SPECC1L: variants seen among roughly 807,000 people sequenced by gnomAD.
The protein encoded by SPECC1L is sperm antigen with calponin homology and coiled-coil domains 1 like.
Under a neutral mutation model 116.8 loss-of-function variants are expected in SPECC1L, and 40 were observed. The ratio of observed to expected loss-of-function variants is 0.34; its 90% CI spans 0.27 to 0.45. The LOEUF is 0.45. Ranked by LOEUF, SPECC1L falls within the 20% of genes least tolerant of loss-of-function variation. The pLI is 1.00. For synonymous variants in SPECC1L, 504 were observed against 500.6 expected (o/e 1.01, Z -0.09); for missense variants, 1,110 against 1,373.6 (o/e 0.81, Z 3.03).
intron 10 of SPECC1L, 31 bp downstream of exon 10, chr22:24,338,508 G>C: frequency 6.2e-7 from 1 of 1,602,194 alleles, no homozygotes; most frequent in South Asian, 1.1e-5. Context: ...GAGGCTCTTA[G>C]AGCCTCAGAA....
chr22:24,410,848 C>A (rs576127998), intron 14 of SPECC1L, among the ~76,000 whole-genome samples: 4 of 152,294 alleles, frequency 2.6e-5, no homozygotes, highest in African/African-American at 9.6e-5. Context: ...CATGCTTCAA[C>A]AACCAATGGA....
intron 2 of SPECC1L, among the ~76,000 whole-genome samples, chr22:24,299,373 A>G (rs2049330016): frequency 6.6e-6 from 1 of 152,070 alleles, no homozygotes; most frequent in Non-Finnish European, 1.5e-5. Context: ...GAAGGTCAAG[A>G]CTGCAGTGAG....
chr22:24,298,434 T>G (rs1470982325), intron 2 of SPECC1L, among the ~76,000 whole-genome samples: 1 of 152,158 alleles, frequency 6.6e-6, no homozygotes, highest in African/African-American at 2.4e-5. Context: ...CCCCCTCGGA[T>G]AAAGGGGAAG....
chr22:24,329,172 A>G (rs1470221628), intron 7 of SPECC1L, among the ~76,000 whole-genome samples: 2 of 152,152 alleles, frequency 1.3e-5, no homozygotes, highest in South Asian at 2.1e-4. Flanking sequence ...AAAATTTGCA[A>G]CTCTTGGAGT....
intron 3 of SPECC1L, among the ~76,000 whole-genome samples, chr22:24,304,697 G>A (rs1403667917): frequency 6.6e-6 from 1 of 152,158 alleles, no homozygotes. Context: ...TTACAGACAT[G>A]AATTAATAAG....
intron 14 of SPECC1L, among the ~76,000 whole-genome samples, chr22:24,375,533 G>T (rs1038351342): frequency 2.0e-5 from 3 of 152,136 alleles, no homozygotes; most frequent in Non-Finnish European, 4.4e-5. Flanking sequence ...TTAGAATAAA[G>T]GGGAAAAAAC....
chr22:24,342,809 G>A (rs1158897915), intron 10 of SPECC1L, among the ~76,000 whole-genome samples: 2 of 152,096 alleles, frequency 1.3e-5, no homozygotes, highest in African/African-American at 2.4e-5. Flanking sequence ...CTTGTGGGAT[G>A]AAATTAAGTG....
At chr22:24,299,112 A>G (rs2049324284) in intron 2 of SPECC1L, among the ~76,000 whole-genome samples, 2 of 152,158 alleles carry the variant, frequency 1.3e-5, no homozygotes, top group Non-Finnish European at 1.5e-5. Flanking sequence ...TTTTAGTCCT[A>G]ATATAGTCCT....
intron 11 of SPECC1L, among the ~76,000 whole-genome samples, chr22:24,350,139 C>T (rs1389637054): frequency 6.6e-6 from 1 of 152,118 alleles, no homozygotes; most frequent in Non-Finnish European, 1.5e-5. Flanking sequence ...AACCCTCTGC[C>T]TGGAACACTG....
intron 14 of SPECC1L, among the ~76,000 whole-genome samples, chr22:24,409,893 A>G (rs1441497385): frequency 6.6e-6 from 1 of 152,164 alleles, no homozygotes. Flanking sequence ...TGGACGTGGT[A>G]GCACGTACCA....
intron 10 of SPECC1L, among the ~76,000 whole-genome samples, chr22:24,345,048 A>G (rs1381523091): frequency 6.6e-6 from 1 of 152,182 alleles, no homozygotes; most frequent in Non-Finnish European, 1.5e-5. Flanking sequence ...TGGAAATGCA[A>G]GATCCCTGAA....
At chr22:24,405,525 A>G (rs1444322435) in intron 14 of SPECC1L, among the ~76,000 whole-genome samples, 1 of 152,010 alleles carries the variant, frequency 6.6e-6, no homozygotes, top group Non-Finnish European at 1.5e-5. Flanking sequence ...TCTCCTCTAC[A>G]GTAAGCAAAC....
Position 24,376,018 on chromosome 22 carries a change from A to G in SPECC1L, c.3087+6698A>G, listed in dbSNP as rs142137373. On this transcript the variant is annotated intron_variant, in intron 14 of 16. Coordinates refer to ENST00000314328, the MANE Select transcript of SPECC1L (RefSeq NM_015330.6). ...AGTTTTAACATTATACTTAATGGTGAAGACTGAAAGCTTTCCCCTTAAGAT... is the reference window on the plus strand; with the variant it reads ...AGTTTTAACATTATACTTAATGGTGGAGACTGAAAGCTTTCCCCTTAAGAT... Among the ~76,000 whole-genome samples, 617 of 152,310 alleles carry G rather than the reference A, an allele frequency of 4.1e-3. 7 individuals are homozygous for G. The highest frequency in any genetic ancestry group is 0.014 in the African/African-American group (576 of 41,568).
chr22:24,409,898 G>T (rs974571480), intron 14 of SPECC1L, among the ~76,000 whole-genome samples: 1 of 152,152 alleles, frequency 6.6e-6, no homozygotes, highest in Non-Finnish European at 1.5e-5. Context: ...GTGGTAGCAC[G>T]TACCAGCCTG....
intron 12 of SPECC1L, among the ~76,000 whole-genome samples, chr22:24,364,805 A>G (rs1264132048): frequency 1.3e-5 from 2 of 152,274 alleles, no homozygotes; most frequent in East Asian, 3.9e-4. Context: ...TGTTGGGCAG[A>G]GCTGAGTAGT....
chr22:24,278,221 C>T (rs1349431568), intron 2 of SPECC1L, among the ~76,000 whole-genome samples: 13 of 152,014 alleles, frequency 8.6e-5, no homozygotes, highest in East Asian at 1.9e-4. Flanking sequence ...ATTAGCTGGG[C>T]GTTGTGGCAC....
intron 14 of SPECC1L, among the ~76,000 whole-genome samples, chr22:24,389,762 T>C (rs768670296): frequency 1.2e-4 from 19 of 152,090 alleles, no homozygotes; most frequent in Admixed American, 2.0e-4. Context: ...TTTGTAATAA[T>C]AGAAATAGGA....
intron 9 of SPECC1L, among the ~76,000 whole-genome samples, chr22:24,334,926 T>A (rs2041021651): frequency 6.6e-6 from 1 of 152,176 alleles, no homozygotes; most frequent in African/African-American, 2.4e-5. Context: ...GTCATGTCTA[T>A]CCAGATGCCT....
At chr22:24,411,202 AAAAAAAC>A (rs1036310402) in intron 14 of SPECC1L, among the ~76,000 whole-genome samples, 2 of 135,328 alleles carry the variant, frequency 1.5e-5, no homozygotes, top group African/African-American at 2.5e-5. Context: ...AAACAAACCA[AAAAAAAC>A]AAAAAACAAA....
Sources: gnomAD v4.1 joint callset for allele counts (sites outside exome capture counted in the v4.1 genomes callset) on GRCh38, gnomAD v4.1.1 for gene constraint, MANE v1.5 for transcripts, NCBI Gene and HGNC (gene_info 2026-07-23, HGNC 2026-07-21) for gene names.